WDR27: variants seen among roughly 807,000 people sequenced by gnomAD.
WDR27 encodes WD repeat-containing protein 27.
A neutral mutation model predicts 114.4 loss-of-function variants in WDR27; 100 were observed. That is an observed-to-expected ratio of 0.87 (90% CI 0.74 to 1.03). The LOEUF (loss-of-function observed/expected upper bound fraction) is 1.03. WDR27 is among the 50% of genes least tolerant of loss of function. The pLI is 0.00. For synonymous variants in WDR27, 449 were observed against 423.1 expected, an observed-to-expected ratio of 1.06 and a Z score of -0.75; for missense variants, 1,129 against 1,092.9, an observed-to-expected ratio of 1.03 and a Z score of -0.47.
At chr6:169,665,215 G>C (rs754345880) in intron 7 of WDR27, 7 of 1,190,416 alleles carry the variant, frequency 5.9e-6, no homozygotes, top group Non-Finnish European at 7.3e-6. Context: ...TCAGGGTCAC[G>C]TGAGTGGCCC....
intron 20 of WDR27, 81 bp from the exon 21 acceptor site, chr6:169,633,149 A>G: frequency 7.9e-6 from 11 of 1,389,126 alleles, no homozygotes; most frequent in Non-Finnish European, 1.0e-5. Flanking sequence ...TACTAATAAA[A>G]ACTTTGGAAT....
intron 2 of WDR27, among the ~76,000 whole-genome samples, chr6:169,681,074 A>T (rs1319459690): frequency 1.3e-5 from 2 of 152,230 alleles, no homozygotes; most frequent in African/African-American, 4.8e-5. Context: ...AAAACAAAAG[A>T]CACAAACACA....
intron 25 of WDR27, among the ~76,000 whole-genome samples, chr6:169,569,286 C>T (rs1800989335): frequency 6.6e-6 from 1 of 152,152 alleles, no homozygotes; most frequent in Admixed American, 6.5e-5. Context: ...AGCCTTTAAT[C>T]CTATTTAATA....
intron 8 of WDR27, among the ~76,000 whole-genome samples, chr6:169,663,191 A>T (rs1024601006): frequency 6.6e-6 from 1 of 152,198 alleles, no homozygotes; most frequent in African/African-American, 2.4e-5. Context: ...CAATTGAAAG[A>T]ACTTAACTTC....
At chr6:169,604,202 T>C (rs1808641986) in intron 22 of WDR27, among the ~76,000 whole-genome samples, 2 of 152,076 alleles carry the variant, frequency 1.3e-5, no homozygotes. Context: ...ACAAAATTGA[T>C]AAACCACTTG....
intron 25 of WDR27, among the ~76,000 whole-genome samples, chr6:169,539,788 C>A (rs1796621875): frequency 2.6e-5 from 4 of 152,162 alleles, no homozygotes; most frequent in Admixed American, 2.6e-4. Flanking sequence ...GAGAGGTTAC[C>A]TCAGCCACAG....
chr6:169,508,933 C>T lies in WDR27; in HGVS notation c.2646-51299G>A, dbSNP rs181889104. Among the ~76,000 whole-genome samples, 3 of 152,332 alleles carry T rather than the reference C, an allele frequency of 2.0e-5. No individual in the cohort carries two copies. The East Asian group carries it at 5.8e-4, about 29-fold the overall frequency. On this transcript the variant is annotated intron_variant, in intron 25 of 25. Coordinates refer to ENST00000448612, the MANE Select transcript of WDR27 (RefSeq NM_182552.5). ...ATGTCCTGAGCTGCCCTCCACACAG[C>T]AGCCACATGGCTCCATAGCAGTCAG... is the stretch of plus-strand genomic sequence containing the variant.
chr6:169,651,855 G>C, intron 14 of WDR27, 75 bp downstream of exon 14: 1 of 1,300,710 alleles, frequency 7.7e-7, no homozygotes, highest in Non-Finnish European at 1.1e-6. Flanking sequence ...ATGTATGTGT[G>C]TCCCTATTTG....
rs1562796590 is a variant in WDR27 at position 169,645,043 on chromosome 6, A to T, written c.1658-1257T>A. ...AAAAATAAAAAAAAAAAATAAAAAAAAAAAAAAAAAAAAAAGAAAATCCTA... is the reference window on the plus strand; with the variant it reads ...AAAAATAAAAAAAAAAAATAAAAAATAAAAAAAAAAAAAAAGAAAATCCTA... On this transcript the variant is annotated intron_variant, in intron 16 of 25. Transcript: ENST00000448612. Among the ~76,000 whole-genome samples, 37 of 59,674 alleles carry T rather than the reference A, an allele frequency of 6.2e-4. 6 individuals carry two copies. The highest frequency in any genetic ancestry group is 5.7e-3 in the South Asian group (13 of 2,284). 39.1% of individuals were successfully genotyped at this position (59,674 alleles called of 152,430 possible). A position where few individuals can be genotyped will look rare whatever the true frequency, so the allele number is the denominator to read the frequency against.
At chr6:169,427,809 C>CAAA in the WDR27 span, among the ~76,000 whole-genome samples, 10 of 126,592 alleles carry the variant, frequency 7.9e-5, no homozygotes, top group Non-Finnish European at 9.9e-5. Flanking sequence ...AAACAACAAC[C>CAAA]AAAAAAAAAA....
the WDR27 span, among the ~76,000 whole-genome samples, chr6:169,439,094 C>A: frequency 6.6e-6 from 1 of 151,968 alleles, no homozygotes; most frequent in Non-Finnish European, 1.5e-5. Context: ...TTCAGTTGGG[C>A]CCCAAAAAAA....
At chr6:169,539,760 C>T (rs968676071) in intron 25 of WDR27, among the ~76,000 whole-genome samples, 2 of 152,174 alleles carry the variant, frequency 1.3e-5, no homozygotes, top group Admixed American at 1.3e-4. Context: ...TGTCTGCTGG[C>T]TCCCTCCTGT....
chr6:169,483,623 T>C (rs1484784728), intron 25 of WDR27, among the ~76,000 whole-genome samples: 1 of 152,080 alleles, frequency 6.6e-6, no homozygotes, highest in Non-Finnish European at 1.5e-5. Flanking sequence ...TCAAAAAATT[T>C]AGGAGAAGGG....
intron 2 of WDR27, among the ~76,000 whole-genome samples, chr6:169,685,816 G>A (rs969217964): frequency 6.6e-6 from 1 of 152,314 alleles, no homozygotes; most frequent in Non-Finnish European, 1.5e-5. Context: ...AACGTCTCAA[G>A]TCTTGGGAAA....
downstream of WDR27, among the ~76,000 whole-genome samples, chr6:169,456,507 G>A (rs968578717): frequency 6.6e-5 from 10 of 152,164 alleles, no homozygotes; most frequent in African/African-American, 2.4e-4. This position sits in a 1 kb window ranked among gnomAD's most constrained non-coding sequence, Gnocchi z 4.0. Context: ...GAGGTTATCT[G>A]GAATCTTGAA....
At chr6:169,600,058 G>A (rs1029504954) in intron 23 of WDR27, among the ~76,000 whole-genome samples, 2 of 152,170 alleles carry the variant, frequency 1.3e-5, no homozygotes, top group Non-Finnish European at 2.9e-5. Flanking sequence ...CAGTTTCCAT[G>A]TAGTTGAGCG....
chr6:169,638,502 G>A, intron 18 of WDR27, 37 bp downstream of exon 18: 1 of 1,605,458 alleles, frequency 6.2e-7, no homozygotes, highest in Non-Finnish European at 8.5e-7. Context: ...AGCTCCTTTG[G>A]AAATGACTGC....
chr6:169,481,504 G>A (rs1262246497), intron 25 of WDR27, among the ~76,000 whole-genome samples: 1 of 152,134 alleles, frequency 6.6e-6, no homozygotes, highest in Non-Finnish European at 1.5e-5. Context: ...AATAAATCTT[G>A]CTGCTGCTCA....
At chr6:169,604,961 G>A (rs1808797214) in intron 22 of WDR27, among the ~76,000 whole-genome samples, 1 of 151,378 alleles carries the variant, frequency 6.6e-6, no homozygotes, top group Non-Finnish European at 1.5e-5. Flanking sequence ...AATAATAAAG[G>A]CCATATACAA....
Sources: allele counts gnomAD v4.1 joint callset (sites outside exome capture counted in the v4.1 genomes callset), GRCh38; gene constraint gnomAD v4.1.1; non-coding constraint Gnocchi (gnomAD v3.1); transcripts MANE v1.5; gene names NCBI Gene and HGNC (gene_info 2026-07-23, HGNC 2026-07-21).